The following CNIH3 variants were observed in gnomAD, a reference collection of about 807,000 sequenced individuals.
The protein encoded by CNIH3 is protein cornichon homolog 3.
A neutral mutation model predicts 24.1 loss-of-function variants in CNIH3; 14 were observed. The ratio of observed to expected loss-of-function variants is 0.58; its 90% confidence interval spans 0.38 to 0.91. The LOEUF is 0.91. Ranked by LOEUF, CNIH3 falls within the 40% of genes least tolerant of loss-of-function variation. The pLI, the probability that CNIH3 is intolerant of heterozygous loss-of-function variation, is 0.00. For synonymous variants in CNIH3, 68 were observed against 73.8 expected, an observed-to-expected ratio of 0.92 and a Z score of 0.40; for missense variants, 178 against 196.8, an observed-to-expected ratio of 0.90 and a Z score of 0.57.
chr1:224,627,180 T>C (rs1212803978), intron 1 of CNIH3, among the ~76,000 whole-genome samples: 1 of 152,142 alleles, frequency 6.6e-6, no homozygotes, highest in African/African-American at 2.4e-5. Flanking sequence ...GTCACCTCTT[T>C]GGTAGCCTCA....
intron 3 of CNIH3, chr1:224,566,099 C>A (rs1680571640): frequency 6.6e-6 from 1 of 151,784 alleles, no homozygotes; most frequent in Non-Finnish European, 1.5e-5. Context: ...CTTAGACAAA[C>A]AATAGAATTT....
At chr1:224,456,043 A>G (rs1006407974) in intron 1 of CNIH3, among the ~76,000 whole-genome samples, 1 of 152,228 alleles carries the variant, frequency 6.6e-6, no homozygotes, top group African/African-American at 2.4e-5. Flanking sequence ...CTGTTGCTTC[A>G]TGTGGTGAAT....
intron 1 of CNIH3, among the ~76,000 whole-genome samples, chr1:224,447,326 C>T (rs1229033555): frequency 6.6e-6 from 1 of 152,096 alleles, no homozygotes; most frequent in Non-Finnish European, 1.5e-5. Context: ...GCCAGAGAGC[C>T]GGGAGTTCTG....
At chr1:224,733,980 C>T (rs563480003) in intron 4 of CNIH3, among the ~76,000 whole-genome samples, 1 of 152,212 alleles carries the variant, frequency 6.6e-6, no homozygotes, top group African/African-American at 2.4e-5. Flanking sequence ...GCTGCTCCCC[C>T]TCCTCCTCTT....
intron 3 of CNIH3, among the ~76,000 whole-genome samples, chr1:224,707,648 A>T (rs1235107743): frequency 6.6e-6 from 1 of 152,198 alleles, no homozygotes; most frequent in African/African-American, 2.4e-5. Context: ...GGAGCTTGTT[A>T]TAAAGGCAGA....
At chr1:224,663,838 C>T (rs942937499) in intron 1 of CNIH3, among the ~76,000 whole-genome samples, 9 of 152,162 alleles carry the variant, frequency 5.9e-5, no homozygotes, top group Admixed American at 5.9e-4. Flanking sequence ...CCGAAATTTA[C>T]CTTCAGCCAA....
intron 3 of CNIH3, among the ~76,000 whole-genome samples, chr1:224,724,871 G>A (rs1022463859): frequency 1.3e-5 from 2 of 152,122 alleles, no homozygotes; most frequent in East Asian, 1.9e-4. Flanking sequence ...AGAGCAACAA[G>A]TTATCTACCT....
chr1:224,622,296 A>G (rs1683319318), intron 1 of CNIH3, among the ~76,000 whole-genome samples: 2 of 152,138 alleles, frequency 1.3e-5, no homozygotes, highest in South Asian at 4.1e-4. Context: ...AAGACTGGCC[A>G]TTGCCATGGG....
At chr1:224,526,897 G>A (rs936099380) in intron 2 of CNIH3, among the ~76,000 whole-genome samples, 4 of 152,112 alleles carry the variant, frequency 2.6e-5, no homozygotes, top group Admixed American at 1.3e-4. Flanking sequence ...AGAGAGAAGC[G>A]GAGAGGGGGC....
At chr1:224,510,892 A>G (rs1678124814), upstream of CNIH3, among the ~76,000 whole-genome samples, 1 of 152,120 alleles carries the variant, frequency 6.6e-6, no homozygotes, top group East Asian at 1.9e-4. Flanking sequence ...CCTCTGGGAG[A>G]AGGGGCAAGG....
At chr1:224,665,825 G>A (rs960391230) in intron 1 of CNIH3, among the ~76,000 whole-genome samples, 2 of 136,384 alleles carry the variant, frequency 1.5e-5, no homozygotes, top group Non-Finnish European at 3.0e-5. Flanking sequence ...GGTTAGAGTC[G>A]ATAGGTTTAG....
chr1:224,497,102 T>A (rs1210285818), intron 1 of CNIH3, among the ~76,000 whole-genome samples: 1 of 152,174 alleles, frequency 6.6e-6, no homozygotes, highest in Non-Finnish European at 1.5e-5. Flanking sequence ...AAACATGCAG[T>A]GAAAGAAGCC....
At chr1:224,674,985 G>A (rs1686065848) in intron 1 of CNIH3, among the ~76,000 whole-genome samples, 1 of 152,156 alleles carries the variant, frequency 6.6e-6, no homozygotes, top group Non-Finnish European at 1.5e-5. Context: ...CCGGGCCCCA[G>A]GCAGCGTAGA....
intron 1 of CNIH3, among the ~76,000 whole-genome samples, chr1:224,461,401 C>T (rs1227983939): frequency 6.6e-6 from 1 of 152,146 alleles, no homozygotes; most frequent in Non-Finnish European, 1.5e-5. Context: ...ATGGCTTTTA[C>T]TCCCCTTTCT....
chr1:224,629,343 C>T (rs964362066), intron 1 of CNIH3, among the ~76,000 whole-genome samples: 3 of 152,058 alleles, frequency 2.0e-5, no homozygotes, highest in Non-Finnish European at 4.4e-5. Flanking sequence ...TTGATAACCT[C>T]ATGTCTCCCT....
At chr1:224,536,190 A>G (rs896639709) in intron 2 of CNIH3, among the ~76,000 whole-genome samples, 1 of 150,872 alleles carries the variant, frequency 6.6e-6, no homozygotes, top group Non-Finnish European at 1.5e-5. Flanking sequence ...TTCCAAGGAT[A>G]TGCCTAGTAG....
At chr1:224,635,483 GT>G (rs1684044024) in intron 1 of CNIH3, among the ~76,000 whole-genome samples, 2 of 152,340 alleles carry the variant, frequency 1.3e-5, no homozygotes, top group Middle Eastern at 3.4e-3. Context: ...AGAAATGACT[GT>G]AGGAACAGCA....
At chr1:224,557,615 C>A (rs1359353250) in intron 3 of CNIH3, among the ~76,000 whole-genome samples, 1 of 152,134 alleles carries the variant, frequency 6.6e-6, no homozygotes, top group East Asian at 1.9e-4. Flanking sequence ...TGCCACCATG[C>A]CCAGCTAATT....
chr1:224,712,923 T>C (rs1224943822), intron 3 of CNIH3, among the ~76,000 whole-genome samples: 1 of 152,208 alleles, frequency 6.6e-6, no homozygotes, highest in Non-Finnish European at 1.5e-5. Flanking sequence ...CCTTAAAAAC[T>C]CCAGAGAGCA....
Sources: gnomAD v4.1 joint callset for allele counts (sites outside exome capture counted in the v4.1 genomes callset) on GRCh38, gnomAD v4.1.1 for gene constraint, MANE v1.5 for transcripts, NCBI Gene and HGNC (gene_info 2026-07-23, HGNC 2026-07-21) for gene names.